VPS54: variants seen among roughly 807,000 people sequenced by gnomAD.
VPS54 encodes the protein VPS54 subunit of GARP complex, also known as vacuolar protein sorting-associated protein 54.
A neutral mutation model predicts 121.5 loss-of-function variants in VPS54; 45 were observed. That is an observed-to-expected ratio of 0.37 (90% CI 0.29 to 0.47). The LOEUF (loss-of-function observed/expected upper bound fraction) is 0.47, where lower values mean the gene tolerates loss of function less well. Ranked by LOEUF, VPS54 falls within the 20% of genes least tolerant of loss-of-function variation. The probability of loss-of-function intolerance (pLI) is 0.99; values close to 1 mark genes in which losing one functional copy is unlikely to be tolerated. For synonymous variants in VPS54, 371 were observed against 385.8 expected (o/e 0.96, Z 0.45); for missense variants, 1,090 against 1,131.4 (o/e 0.96, Z 0.52).
chr2:63,952,612 A>G (rs1575950690), intron 7 of VPS54, among the ~76,000 whole-genome samples: 1 of 152,340 alleles, frequency 6.6e-6, no homozygotes, highest in South Asian at 2.1e-4. Flanking sequence ...AAGTAGGAGT[A>G]GTGATAATTA....
intron 7 of VPS54, among the ~76,000 whole-genome samples, chr2:63,960,761 A>AT (rs1272163733): frequency 6.6e-6 from 1 of 152,242 alleles, no homozygotes; most frequent in Admixed American, 6.5e-5. Flanking sequence ...AAATTCAAAG[A>AT]TAAATCCTTA....
intron 4 of VPS54, among the ~76,000 whole-genome samples, chr2:63,971,229 A>T (rs1676271849): frequency 6.6e-6 from 1 of 152,018 alleles, no homozygotes; most frequent in Non-Finnish European, 1.5e-5. Flanking sequence ...CTGGAATATC[A>T]TTTCTCATTT....
intron 1 of VPS54, among the ~76,000 whole-genome samples, chr2:64,011,459 G>T (rs551590823): frequency 6.6e-6 from 1 of 152,074 alleles, no homozygotes; most frequent in East Asian, 1.9e-4. Context: ...CCAGCTACTC[G>T]GGAGGCTGAG....
At position 63,916,873 on chromosome 2, in the gene VPS54, A is replaced by G. The variant is rs764808598; in HGVS notation, c.2228+27T>C. On this transcript the variant is annotated intron_variant, in intron 16 of 22. Transcript: ENST00000272322. The stretch of plus-strand genomic sequence containing the variant: ...ACTTGTGTTTTAAATAGTTGACTCA[A>G]CTACTAAAGAAAAATGTGTCACTCA... 2.6e-5 allele frequency: 42 copies of G among 1,609,806 alleles called. 1 individual carries two copies. In the South Asian group the frequency reaches 4.2e-4, roughly 16 times the overall value.
At chr2:63,944,188 T>A (rs984575854) in intron 10 of VPS54, among the ~76,000 whole-genome samples, 3 of 152,180 alleles carry the variant, frequency 2.0e-5, no homozygotes, top group African/African-American at 7.2e-5. Context: ...TAATGAATTA[T>A]CTCCAATTTC....
intron 12 of VPS54, among the ~76,000 whole-genome samples, chr2:63,933,047 A>G (rs2104483626): frequency 6.6e-6 from 1 of 152,254 alleles, no homozygotes; most frequent in Non-Finnish European, 1.5e-5. Flanking sequence ...AGGAGACAGA[A>G]AGAGAAAAAG....
At chr2:64,006,898 C>T (rs1178669679) in intron 1 of VPS54, among the ~76,000 whole-genome samples, 1 of 152,320 alleles carries the variant, frequency 6.6e-6, no homozygotes, top group African/African-American at 2.4e-5. Context: ...GGATTACAGG[C>T]GTGAGCCACC....
chr2:63,903,902 A>G (rs1478006633), intron 20 of VPS54, among the ~76,000 whole-genome samples: 16 of 152,164 alleles, frequency 1.1e-4, no homozygotes, highest in African/African-American at 3.9e-4. Context: ...AAATCTAACT[A>G]TATAAAAACA....
intron 7 of VPS54, among the ~76,000 whole-genome samples, chr2:63,960,347 C>A (rs1207301711): frequency 6.6e-6 from 1 of 152,140 alleles, no homozygotes; most frequent in Non-Finnish European, 1.5e-5. Context: ...GTAAGCTCTT[C>A]CTTGAGCTCA....
intron 12 of VPS54, among the ~76,000 whole-genome samples, chr2:63,922,369 G>A (rs1285151459): frequency 1.3e-5 from 2 of 152,110 alleles, no homozygotes; most frequent in Non-Finnish European, 2.9e-5. Flanking sequence ...ACTACAAAGA[G>A]GCTCTGGTGT....
At chr2:63,928,523 A>G (rs932426970) in intron 12 of VPS54, among the ~76,000 whole-genome samples, 2 of 152,220 alleles carry the variant, frequency 1.3e-5, no homozygotes, top group East Asian at 3.8e-4. Context: ...TAAACATGGA[A>G]AGGAACAACT....
intron 20 of VPS54, among the ~76,000 whole-genome samples, chr2:63,905,023 T>C (rs1439322436): frequency 6.6e-6 from 1 of 152,038 alleles, no homozygotes; most frequent in East Asian, 1.9e-4. Flanking sequence ...GCACAAAGTA[T>C]CAAAATTTGC....
At chr2:63,916,247 G>T (rs1490401047) in intron 16 of VPS54, among the ~76,000 whole-genome samples, 1 of 152,120 alleles carries the variant, frequency 6.6e-6, no homozygotes, top group Non-Finnish European at 1.5e-5. Flanking sequence ...GTGAAGTACT[G>T]TTAAAGCATA....
chr2:64,012,520 A>T (rs542413085), intron 1 of VPS54, among the ~76,000 whole-genome samples: 1 of 150,260 alleles, frequency 6.7e-6, no homozygotes, highest in East Asian at 1.9e-4. Flanking sequence ...AATGTACCTA[A>T]TTCTCATCTA....
intron 20 of VPS54, among the ~76,000 whole-genome samples, chr2:63,907,025 T>A (rs1353979165): frequency 6.6e-6 from 1 of 152,170 alleles, no homozygotes; most frequent in Non-Finnish European, 1.5e-5. Flanking sequence ...CAAAAACAGT[T>A]GATTTTTAAC....
intron 1 of VPS54, among the ~76,000 whole-genome samples, chr2:63,993,125 C>T (rs1025962004): frequency 6.6e-6 from 1 of 152,146 alleles, no homozygotes; most frequent in African/African-American, 2.4e-5. Context: ...GGACAAAATT[C>T]AACAGACCAC....
chr2:63,930,945 T>A (rs905433257), intron 12 of VPS54, among the ~76,000 whole-genome samples: 1 of 152,044 alleles, frequency 6.6e-6, no homozygotes, highest in East Asian at 1.9e-4. Flanking sequence ...TACCTAGGAA[T>A]CCAACTTACA....
intron 6 of VPS54, among the ~76,000 whole-genome samples, chr2:63,963,767 A>C (rs1304200781): frequency 1.3e-5 from 2 of 152,124 alleles, no homozygotes; most frequent in Non-Finnish European, 2.9e-5. Context: ...CAAATATACT[A>C]GGGTAAATTG....
intron 1 of VPS54, among the ~76,000 whole-genome samples, chr2:64,007,386 C>A (rs1278108403): frequency 6.6e-6 from 1 of 152,022 alleles, no homozygotes; most frequent in African/African-American, 2.4e-5. Context: ...GTAGAGTAGA[C>A]GAGATAAAAA....
Sources: allele counts gnomAD v4.1 joint callset (sites outside exome capture counted in the v4.1 genomes callset), GRCh38; gene constraint gnomAD v4.1.1; transcripts MANE v1.5; gene names NCBI Gene and HGNC (gene_info 2026-07-23, HGNC 2026-07-21).